Variants in PRPF40B observed in about 807,000 individuals in gnomAD.
PRPF40B encodes the protein pre-mRNA processing factor 40B, also known as pre-mRNA-processing factor 40 homolog B.
Under a neutral mutation model 124.5 loss-of-function variants are expected in PRPF40B, and 56 were observed. That is an observed-to-expected ratio of 0.45 (90% CI 0.36 to 0.56). The LOEUF (loss-of-function observed/expected upper bound fraction) is 0.56, where lower values mean the gene tolerates loss of function less well. PRPF40B is among the 20% of genes least tolerant of loss of function. The probability of loss-of-function intolerance (pLI) is 0.00; values close to 1 mark genes in which losing one functional copy is unlikely to be tolerated. For synonymous variants in PRPF40B, 443 were observed against 426.4 expected (o/e 1.04, Z -0.48); for missense variants, 1,053 against 1,169.5 (o/e 0.90, Z 1.45).
rs1941503488 is a variant in PRPF40B, at chr12:49,634,078, G to C, written c.798G>C (p.Glu266Asp). ...AACAGGGGTTCCTGCAGCAGCTGGA[G>C]GAGGGCCCCAGCAGGTGAGGGCTGC... The part of the protein sequence containing the change: ...PLEQGFLQQL[E>D]EGPSSSGQHQ... The change falls in exon 10 of 26, where the codon GAG becomes GAC. Residue 266 changes from glutamate to aspartate, a missense_variant. Physicochemically the swap from Glu to Asp is conservative, Grantham distance 45. Around this residue, in one of 2 missense-constraint regions of PRPF40B, gnomAD observed 895 missense variants for 1,052.2 expected, o/e 0.85. Transcript: ENST00000548825. 1 of 1,612,660 alleles carries C rather than the reference G, an allele frequency of 6.2e-7. No homozygotes were observed. Among genetic ancestry groups the C allele is most frequent in the Non-Finnish European group, 8.5e-7 (1 of 1,179,834 alleles).
chr12:49,623,742 C>T lies in PRPF40B; in HGVS notation c.3+149C>T, dbSNP rs1940420166. 2.7e-5 allele frequency: 17 copies of T among 638,526 alleles called. No individual in the cohort carries two copies. The South Asian group carries it at 1.2e-3, about 45-fold the overall frequency. The allele number at this position is 638,526 out of a possible 1,614,324, so 39.6% of individuals were successfully genotyped here. A position where few individuals can be genotyped will look rare whatever the true frequency, so the allele number is the denominator to read the frequency against. The stretch of plus-strand genomic sequence containing the variant: ...GAGGCCAAGGGTGAGGGAAGAGAGC[C>T]CGGGAGGGGGGATGGGGGCGGGGAC... On this transcript the variant is annotated intron_variant, in intron 1 of 25. Transcript: ENST00000548825.
At chr12:49,623,488 G>A, upstream of PRPF40B, 7 of 1,201,438 alleles carry the variant, frequency 5.8e-6, no homozygotes, top group Middle Eastern at 3.2e-4. Flanking sequence ...ACGAAGGGGT[G>A]CGACCCCCCG....
At chr12:49,641,673 G>A (rs1679649659) in intron 18 of PRPF40B, 1 of 519,052 alleles carries the variant, frequency 1.9e-6, no homozygotes, top group Non-Finnish European at 3.4e-6. Context: ...CAGCAGTTGG[G>A]AGACATCTCC....
chr12:49,641,747 G>A, intron 18 of PRPF40B, 161 bp from the exon 19 acceptor site: 1 of 615,242 alleles, frequency 1.6e-6, no homozygotes, highest in Non-Finnish European at 2.9e-6. Context: ...ATTGTCAAGT[G>A]ATGAGGACTT....
At position 49,633,449 on chromosome 12, in the gene PRPF40B, G is replaced by T. The variant is rs1315489534; in HGVS notation, c.482G>T (p.Trp161Leu). 2 of 1,614,138 alleles carry T rather than the reference G, an allele frequency of 1.2e-6. No individual in the cohort carries two copies. Among genetic ancestry groups the T allele is most frequent in the Admixed American group, 3.3e-5 (2 of 60,030 alleles). ...CAGCTGCTCCTGTCCCAATGTCCCT[G>T]GAAAGAGTACAAGTCGGACACAGGC... ...KAELLLSQCPWKEYKSDTGKP... is the reference protein window; with the variant it reads ...KAELLLSQCPLKEYKSDTGKP... The change falls in exon 8 of 26, where the codon TGG becomes TTG. Residue 161 changes from tryptophan to leucine, a missense_variant. Around this residue, in one of 2 missense-constraint regions of PRPF40B, gnomAD observed 895 missense variants for 1,052.2 expected, o/e 0.85. Transcript: ENST00000548825.
chr12:49,636,183 C>G (rs142796646), intron 15 of PRPF40B, among the ~76,000 whole-genome samples, 190 bp downstream of exon 15: 198 of 152,304 alleles, frequency 1.3e-3, no homozygotes, highest in South Asian at 0.011. Flanking sequence ...ACACCCCTCC[C>G]TCTGGGGTCC....
At chr12:49,644,045 A>G in intron 25 of PRPF40B, 41 bp downstream of exon 25, 1 of 1,614,178 alleles carries the variant, frequency 6.2e-7, no homozygotes, top group Non-Finnish European at 8.5e-7. Flanking sequence ...ACGCTGGTCA[A>G]GCTTCCACGG....
chr12:49,643,421 A>C, intron 23 of PRPF40B, 24 bp downstream of exon 23: 1 of 1,533,660 alleles, frequency 6.5e-7, no homozygotes, highest in Non-Finnish European at 8.7e-7. Context: ...GTGAGCGTAG[A>C]AGCTGGAGAA....
chr12:49,639,528 G>A (rs939005333), intron 18 of PRPF40B: 1 of 152,258 alleles, frequency 6.6e-6, no homozygotes, highest in African/African-American at 2.4e-5. Flanking sequence ...GAGACACTCT[G>A]GGTTTCTATG....
At chr12:49,626,958 TTC>T (rs1407646810) in intron 1 of PRPF40B, among the ~76,000 whole-genome samples, 4 of 152,202 alleles carry the variant, frequency 2.6e-5, no homozygotes, top group African/African-American at 9.7e-5. Context: ...AGTTCTGACA[TTC>T]TATGTTCCCT....
Position 49,633,926 on chromosome 12 carries a change from C to G in PRPF40B, c.646C>G (p.Pro216Ala). The stretch of plus-strand genomic sequence containing the variant: ...GCTGCCACAGACACTTCAGCCACAG[C>G]CACCTCAGCCACAGCCTGACCCCCC... ...QQLPQTLQPQ[P>A]PQPQPDPPPV... The change falls in exon 10 of 26, where the codon CCA becomes GCA. Residue 216 changes from proline to alanine, a missense_variant. Transcript: ENST00000548825. The G allele has an allele frequency of 2.5e-6, 4 of 1,614,178 alleles. No homozygotes were observed. The highest frequency in any genetic ancestry group is 3.4e-6 in the Non-Finnish European group (4 of 1,180,030).
Position 49,635,419 on chromosome 12 carries a change from G to T in PRPF40B, c.1221G>T (p.Arg407Ser). ...ELEVWAVVPERDRKEVYDDVL... is the reference protein window; with the variant it reads ...ELEVWAVVPESDRKEVYDDVL... ...AGGTCTGGGCTGTGGTCCCTGAGAG[G>T]GATCGAAAAGAGGTTTATGATGATG... Residue 407 changes from arginine to serine, a missense_variant, in exon 14 of 26, where the codon AGG becomes AGT. By Grantham distance (110) the Arg-to-Ser change is moderately radical. Coordinates refer to ENST00000548825, the MANE Select transcript of PRPF40B (RefSeq NM_001031698.3). This position sits in a 1 kb window ranked among gnomAD's most constrained non-coding sequence, Gnocchi z 4.1. The T allele has an allele frequency of 6.2e-7, 1 of 1,614,026 alleles. No homozygotes were observed. Among genetic ancestry groups the T allele is most frequent in the Non-Finnish European group, 8.5e-7 (1 of 1,179,992 alleles).
At chr12:49,643,117 G>A in intron 22 of PRPF40B, 101 bp downstream of exon 22, 1 of 1,587,378 alleles carries the variant, frequency 6.3e-7, no homozygotes, top group Middle Eastern at 1.7e-4. Context: ...AGGGAAGTTT[G>A]AGGATTCCTT....
Position 49,635,138 on chromosome 12 carries a change from T to A in PRPF40B, c.1041T>A (p.Asn347Lys), listed in dbSNP as rs766121011. 6.2e-7 allele frequency: 1 copy of A among 1,613,856 alleles called. No individual in the cohort carries two copies. The highest frequency in any genetic ancestry group is 8.5e-7 in the Non-Finnish European group (1 of 1,179,990). The change falls in exon 13 of 26, where the codon AAT (asparagine) becomes AAA (lysine). Residue 347 changes from asparagine to lysine, a missense_variant. Asn to Lys is a moderately conservative substitution (Grantham distance 94). Around this residue, in one of 2 missense-constraint regions of PRPF40B, gnomAD observed 895 missense variants for 1,052.2 expected, o/e 0.85. Transcript: ENST00000548825. The surrounding 1 kb of genome is among the most constrained non-coding windows in gnomAD (Gnocchi z 4.1). ...TGAGTGAGAAAAAGCAGGCATTCAA[T>A]GCCTACAAGGCGCAGCGGGAGAAGG... is the stretch of plus-strand genomic sequence containing the variant. ...PKLSEKKQAF[N>K]AYKAQREKEE...
Position 49,642,674 on chromosome 12 carries a change from A to T in PRPF40B, c.2117A>T (p.Glu706Val). The T allele has an allele frequency of 6.2e-7, 1 of 1,613,598 alleles. No individual in the cohort carries two copies. Among genetic ancestry groups the T allele is most frequent in the Non-Finnish European group, 8.5e-7 (1 of 1,179,818 alleles). The change falls in exon 21 of 26, where the codon GAG becomes GTG. Residue 706 changes from glutamate (E) to valine (V), a missense_variant and splice_region_variant. By Grantham distance (121) the Glu-to-Val change is moderately radical. This residue lies in a region of PRPF40B where 895 missense variants were observed against 1,052.2 expected (regional missense o/e 0.85). Coordinates refer to ENST00000548825, the MANE Select transcript of PRPF40B (RefSeq NM_001031698.3). This position sits in a 1 kb window ranked among gnomAD's most constrained non-coding sequence, Gnocchi z 5.8. ...TTCCGGGAGTTCCTACAGGTGCTGGAGGTGAGGCAGGCTTGTCCTCTGGAT... is the reference window on the plus strand; with the variant it reads ...TTCCGGGAGTTCCTACAGGTGCTGGTGGTGAGGCAGGCTTGTCCTCTGGAT... ...RLFREFLQVL[E>V]TECQHLHTKG...
upstream of PRPF40B, among the ~76,000 whole-genome samples, chr12:49,623,098 GAC>G (rs1342275099): frequency 1.2e-4 from 18 of 151,188 alleles, no homozygotes; most frequent in African/African-American, 4.4e-4. Flanking sequence ...CAGTCCCTGA[GAC>G]AGACCCTGCC....
At chr12:49,636,179 C>T (rs956383940) in intron 15 of PRPF40B, among the ~76,000 whole-genome samples, 186 bp downstream of exon 15, 1 of 152,156 alleles carries the variant, frequency 6.6e-6, no homozygotes, top group African/African-American at 2.4e-5. Flanking sequence ...CAGGACACCC[C>T]TCCCTCTGGG....
rs912309460 is a variant in PRPF40B, at chr12:49,633,673, G to C, written c.605+12G>C. ...CAAGAGGCTGCAGGGTGAGTGACTTGCCCACCTATCCATTTATAGTTGGGG... is the reference window on the plus strand; with the variant it reads ...CAAGAGGCTGCAGGGTGAGTGACTTCCCCACCTATCCATTTATAGTTGGGG... On this transcript the variant is annotated intron_variant, in intron 9 of 25. Transcript: ENST00000548825. The C allele has an allele frequency of 1.2e-6, 2 of 1,614,140 alleles. No homozygotes were observed.
chr12:49,633,087 T>C lies in PRPF40B; in HGVS notation c.422T>C (p.Val141Ala). Residue 141 changes from valine to alanine, a missense_variant, in exon 7 of 26, where the codon GTG becomes GCG. Physicochemically the swap from Val to Ala is moderately conservative, Grantham distance 64. Coordinates refer to ENST00000548825, the MANE Select transcript of PRPF40B (RefSeq NM_001031698.3). ...TACAATGCTGACGACAAGCAGTCCG[T>C]GTGGGAGAAGCCCAGCGTGCTCAAG... ...YYYNADDKQS[V>A]WEKPSVLKSK... The C allele has an allele frequency of 6.4e-7, 1 of 1,569,826 alleles. No homozygotes were observed. The highest frequency in any genetic ancestry group is 8.6e-7 in the Non-Finnish European group (1 of 1,157,228).
Sources: gnomAD v4.1 joint callset for allele counts (sites outside exome capture counted in the v4.1 genomes callset) on GRCh38, gnomAD v4.1.1 for gene constraint, gnomAD v4.1.1 regional missense constraint, Gnocchi (gnomAD v3.1) non-coding constraint, MANE v1.5 for transcripts, NCBI Gene and HGNC (gene_info 2026-07-23, HGNC 2026-07-21) for gene names.